The following AKNA variants were observed in gnomAD, a reference collection of about 807,000 sequenced individuals.
The protein encoded by AKNA is microtubule organization protein AKNA.
AKNA carries 67 observed loss-of-function variants against 138.8 expected under a neutral mutation model. The observed-to-expected ratio is 0.48, with a 90% CI of 0.40 to 0.59. The LOEUF (loss-of-function observed/expected upper bound fraction) is 0.59, where lower values mean the gene tolerates loss of function less well. Ranked by LOEUF, AKNA falls within the 20% of genes least tolerant of loss-of-function variation. The probability of loss-of-function intolerance (pLI) is 0.00; values close to 1 mark genes in which losing one functional copy is unlikely to be tolerated. For synonymous variants in AKNA, 737 were observed against 754.4 expected, an observed-to-expected ratio of 0.98 and a Z score of 0.38; for missense variants, 1,813 against 1,880.4, an observed-to-expected ratio of 0.96 and a Z score of 0.66.
At position 114,381,343 on chromosome 9, in the gene AKNA, C is replaced by T; in HGVS notation, c.-10G>A. 6.4e-7 allele frequency: 1 copy of T among 1,560,362 alleles called. No homozygotes were observed. Among genetic ancestry groups the T allele is most frequent in the South Asian group, 1.2e-5 (1 of 85,262 alleles). On this transcript the variant is annotated 5_prime_UTR_variant, in exon 2 of 22. Coordinates refer to ENST00000374088, the MANE Select transcript of AKNA (RefSeq NM_001317950.2). Reference sequence around the variant, plus strand: ...TCTCCGAGCTGGCCATTGGGGCTGGCCTGGGCTTCACCTGGGCCACTTCAT... The same window carrying T: ...TCTCCGAGCTGGCCATTGGGGCTGGTCTGGGCTTCACCTGGGCCACTTCAT...
intron 21 of AKNA, among the ~76,000 whole-genome samples, chr9:114,338,372 A>G (rs1369355865): frequency 6.6e-6 from 1 of 152,260 alleles, no homozygotes; most frequent in East Asian, 1.9e-4. Context: ...GACAGATAGC[A>G]ACAAGTGTTG....
rs372248700 is a variant in AKNA, at chr9:114,341,639, G to T, written c.3961C>A (p.Pro1321Thr). ...RSKQAGSSPR[P>T]PPGLWYLATA... is the part of the protein sequence containing the mutation. ...GCCAGATACCACAGTCCGGGGGGTG[G>T]GCGTGGCGACGACCCCGCCTGCTTG... is the stretch of plus-strand genomic sequence containing the variant. The change falls in exon 21 of 22, where the codon CCA becomes ACA. Residue 1321 changes from proline (P) to threonine (T), a missense_variant. Coordinates refer to ENST00000374088, the MANE Select transcript of AKNA (RefSeq NM_001317950.2). 32 of 1,610,880 alleles carry T rather than the reference G, an allele frequency of 2.0e-5. No individual in the cohort carries two copies. In the Admixed American group the frequency reaches 2.0e-4, roughly 10 times the overall value.
Position 114,377,126 on chromosome 9 carries a change from C to CT in AKNA, c.680dup (p.Pro228AlafsTer52). ...GCAAGGTTTCTGCCAGGGCAGTGGG[C>CT]TGGGGGCCATCGGTCTCTCCTTCCC... On this transcript the variant is annotated frameshift_variant, in exon 3 of 22. Coordinates refer to ENST00000374088, the MANE Select transcript of AKNA (RefSeq NM_001317950.2). LOFTEE classifies it high-confidence loss of function. 6.2e-7 allele frequency: 1 copy of CT among 1,614,172 alleles called. No homozygotes were observed. The highest frequency in any genetic ancestry group is 8.5e-7 in the Non-Finnish European group (1 of 1,180,010).
chr9:114,359,221 A>ATAG (rs879944203), intron 11 of AKNA: 12,153 of 288,034 alleles, frequency 0.042, 1,285 homozygotes, highest in African/African-American at 0.24. Context: ...GGCGTGTACC[A>ATAG]CCATGCCTGG....
chr9:114,374,073 A>G lies in AKNA; in HGVS notation c.1416+20T>C. ...CTCGGGGACTTGGGCCCATGCCTCC[A>G]CCCCATCCCGGCCTGGTACCTTGGC... On this transcript the variant is annotated intron_variant, in intron 4 of 21. Transcript: ENST00000374088. 1 of 1,552,448 alleles carries G rather than the reference A, an allele frequency of 6.4e-7. No individual in the cohort carries two copies. The highest frequency in any genetic ancestry group is 8.7e-7 in the Non-Finnish European group (1 of 1,147,390).
chr9:114,374,295 G>A (rs1833010072), intron 3 of AKNA, 128 bp from the exon 4 acceptor site: 1 of 893,652 alleles, frequency 1.1e-6, no homozygotes, highest in Non-Finnish European at 1.8e-6. Flanking sequence ...GCATTCAATG[G>A]TGGGATCCGA....
chr9:114,348,286 C>T (rs1238549305), intron 15 of AKNA, among the ~76,000 whole-genome samples: 2 of 152,212 alleles, frequency 1.3e-5, no homozygotes, highest in African/African-American at 4.8e-5. Context: ...GGCCCAGCTC[C>T]TCTCCCTACC....
Position 114,381,449 on chromosome 9 carries a change from G to A in AKNA, c.-113-3C>T. 2.8e-6 allele frequency: 4 copies of A among 1,429,230 alleles called. No homozygotes were observed. Among genetic ancestry groups the A allele is most frequent in the Non-Finnish European group, 3.7e-6 (4 of 1,095,744 alleles). The allele number at this position is 1,429,230 out of a possible 1,614,324, so 88.5% of individuals were successfully genotyped here. Reference sequence around the variant, plus strand: ...GCATCGGCCATCCTGCCTGTGCCCTGTCAGGGACACATTCAAGAGAGAACA... The same window carrying A: ...GCATCGGCCATCCTGCCTGTGCCCTATCAGGGACACATTCAAGAGAGAACA... On this transcript the variant is annotated splice_region_variant and splice_polypyrimidine_tract_variant and intron_variant, in intron 1 of 21. Transcript: ENST00000374088.
chr9:114,397,551 T>G (rs993566801), upstream of AKNA, among the ~76,000 whole-genome samples: 1 of 152,140 alleles, frequency 6.6e-6, no homozygotes, highest in Non-Finnish European at 1.5e-5. Context: ...TCTTTAAACA[T>G]AGGTAATGAT....
upstream of AKNA, among the ~76,000 whole-genome samples, chr9:114,394,867 C>T (rs748033180): frequency 6.6e-6 from 1 of 152,186 alleles, no homozygotes; most frequent in Non-Finnish European, 1.5e-5. Flanking sequence ...TGGCTGTGGT[C>T]CCAAGACCCC....
intron 14 of AKNA, among the ~76,000 whole-genome samples, chr9:114,353,375 T>C (rs1831269276): frequency 6.6e-6 from 1 of 152,118 alleles, no homozygotes; most frequent in African/African-American, 2.4e-5. Context: ...GCCATTCTCC[T>C]GCCTCAGCCT....
At position 114,337,012 on chromosome 9, in the gene AKNA, T is replaced by TTGGGGGGGGGGGGGGGG; in HGVS notation, c.*41_*42insCCCCCCCCCCCCCCCCA. 1.0e-4 allele frequency: 124 copies of TTGGGGGGGGGGGGGGGG among 1,208,182 alleles called. No individual in the cohort carries two copies. Among genetic ancestry groups the TTGGGGGGGGGGGGGGGG allele is most frequent in the East Asian group, 1.2e-4 (4 of 32,128 alleles). The allele number at this position is 1,208,182 out of a possible 1,614,324, so 74.8% of individuals were successfully genotyped here. A position where few individuals can be genotyped will look rare whatever the true frequency, so the allele number is the denominator to read the frequency against. Reference sequence around the variant, plus strand: ...CCCACTCCTGGCCTGGCAGGCCACCTGCCCACCCACCCACCCATCTGCCTC... The same window carrying TTGGGGGGGGGGGGGGGG: ...CCCACTCCTGGCCTGGCAGGCCACCTTGGGGGGGGGGGGGGGGGCCCACCCACCCACCCATCTGCCTC... On this transcript the variant is annotated 3_prime_UTR_variant, in exon 22 of 22. Transcript: ENST00000374088.
Position 114,357,769 on chromosome 9 carries a change from C to A in AKNA, c.2739+152G>T, listed in dbSNP as rs183316302. The A allele has an allele frequency of 3.1e-6, 4 of 1,278,662 alleles. No individual in the cohort carries two copies. In the African/African-American group the frequency reaches 6.0e-5, roughly 19 times the overall value. 79.2% of individuals were successfully genotyped at this position (1,278,662 alleles called of 1,614,324 possible). A position where few individuals can be genotyped will look rare whatever the true frequency, so the allele number is the denominator to read the frequency against. ...TTGGGGGGTGACACTGAGCATAAGT[C>A]CTGCATGTCAGGTGGGATTGTGGCT... On this transcript the variant is annotated intron_variant, in intron 12 of 21. Coordinates refer to ENST00000374088, the MANE Select transcript of AKNA (RefSeq NM_001317950.2).
intron 15 of AKNA, 40 bp downstream of exon 15, chr9:114,350,819 T>C (rs529436236): frequency 2.0e-6 from 3 of 1,517,270 alleles, no homozygotes; most frequent in South Asian, 1.3e-5. Flanking sequence ...CCCGTCTGTA[T>C]GATGAGCTTG....
At position 114,374,179 on chromosome 9, in the gene AKNA, G is replaced by A. The variant is rs1429801845; in HGVS notation, c.1342-12C>T. The A allele has an allele frequency of 5.8e-6, 9 of 1,553,820 alleles. No homozygotes were observed. Among genetic ancestry groups the A allele is most frequent in the African/African-American group, 1.4e-5 (1 of 73,214 alleles). ...CTGTGGTAGTCTTCCTGCAGAAAGC[G>A]GGAGCAACACGGTCACATGCGCAGG... is the stretch of plus-strand genomic sequence containing the variant. On this transcript the variant is annotated splice_polypyrimidine_tract_variant and intron_variant, in intron 3 of 21. Coordinates refer to ENST00000374088, the MANE Select transcript of AKNA (RefSeq NM_001317950.2).
chr9:114,350,787 T>C, intron 15 of AKNA, 72 bp downstream of exon 15: 1 of 1,478,216 alleles, frequency 6.8e-7, no homozygotes, highest in South Asian at 1.4e-5. Flanking sequence ...CACCTCCACC[T>C]GCTAACACGT....
At chr9:114,348,334 GCTTGTCCACCATCTC>G in intron 15 of AKNA, among the ~76,000 whole-genome samples, 1 of 152,206 alleles carries the variant, frequency 6.6e-6, no homozygotes, top group South Asian at 2.1e-4. Flanking sequence ...GGCAGAAGAT[GCTTGTCCACCATCTC>G]CCCACACAGA....
chr9:114,331,353 C>T (rs986728440), downstream of AKNA, among the ~76,000 whole-genome samples: 7 of 152,064 alleles, frequency 4.6e-5, no homozygotes, highest in Non-Finnish European at 8.8e-5. Flanking sequence ...CTGACAGCCA[C>T]AGTCTGTGTG....
intron 6 of AKNA, 28 bp downstream of exon 6, chr9:114,367,515 T>G (rs1375188238): frequency 1.2e-6 from 2 of 1,609,684 alleles, no homozygotes; most frequent in East Asian, 2.2e-5. Flanking sequence ...GTTAAGTCTC[T>G]CGGGGGCAAA....
Sources: gnomAD v4.1 joint callset for allele counts (sites outside exome capture counted in the v4.1 genomes callset) on GRCh38, gnomAD v4.1.1 for gene constraint, MANE v1.5 for transcripts, NCBI Gene and HGNC (gene_info 2026-07-23, HGNC 2026-07-21) for gene names.